RFX3: variants seen among roughly 807,000 people sequenced by gnomAD.
RFX3 encodes regulatory factor X3.
A neutral mutation model predicts 98.6 loss-of-function variants in RFX3; 14 were observed. The observed-to-expected ratio is 0.14, with a 90% CI of 0.09 to 0.22. The LOEUF is 0.22. Ranked by LOEUF, RFX3 falls within the 10% of genes least tolerant of loss-of-function variation. The pLI, the probability that RFX3 is intolerant of heterozygous loss-of-function variation, is 1.00. For synonymous variants in RFX3, 383 were observed against 328.4 expected (o/e 1.17, Z -1.80); for missense variants, 639 against 926.9 (o/e 0.69, Z 4.03).
At chr9:3,252,939 C>G (rs1295828545) in intron 14 of RFX3, among the ~76,000 whole-genome samples, 1 of 152,190 alleles carries the variant, frequency 6.6e-6, no homozygotes, top group Non-Finnish European at 1.5e-5. Flanking sequence ...TTTATTCTCT[C>G]TGTGTCAGGC....
intron 1 of RFX3, among the ~76,000 whole-genome samples, chr9:3,494,582 T>C (rs1850973708): frequency 6.6e-6 from 1 of 152,180 alleles, no homozygotes. Context: ...ATCATAGTTG[T>C]ATCTATCTAT....
At chr9:3,390,639 G>A (rs1205624625) in intron 2 of RFX3, among the ~76,000 whole-genome samples, 9 of 152,138 alleles carry the variant, frequency 5.9e-5, no homozygotes, top group Admixed American at 5.9e-4. Context: ...GGTCTTTTCT[G>A]TGCTGGTCTC....
chr9:3,303,278 T>G (rs755479349), intron 4 of RFX3, among the ~76,000 whole-genome samples: 3 of 151,902 alleles, frequency 2.0e-5, no homozygotes, highest in Admixed American at 6.6e-5. Context: ...ACTGTGAAAC[T>G]ATAAAGGACT....
intron 3 of RFX3, among the ~76,000 whole-genome samples, chr9:3,334,716 G>C (rs1038424717): frequency 6.6e-6 from 1 of 152,134 alleles, no homozygotes; most frequent in Non-Finnish European, 1.5e-5. Context: ...ATTATATTAA[G>C]GAATGAAGTG....
At chr9:3,362,161 C>G (rs1413106768) in intron 2 of RFX3, among the ~76,000 whole-genome samples, 1 of 152,100 alleles carries the variant, frequency 6.6e-6, no homozygotes, top group Non-Finnish European at 1.5e-5. Flanking sequence ...TGAGCAAGAG[C>G]CAGGAGATTC....
Position 3,229,039 on chromosome 9 carries a change from T to C in RFX3, c.1969-150A>G, listed in dbSNP as rs535792944. The C allele has an allele frequency of 4.0e-4, 233 of 581,556 alleles. 1 individual carries two copies. The Middle Eastern group carries it at 7.8e-3, about 19-fold the overall frequency. 36.0% of individuals were successfully genotyped at this position (581,556 alleles called of 1,614,324 possible). ...CTCTAATTACATGGATCACATAATT[T>C]TCCAATCAAACTTGTCAAATTTGAA... is the stretch of plus-strand genomic sequence containing the variant. On this transcript the variant is annotated intron_variant, in intron 15 of 16. Transcript: ENST00000617270.
At chr9:3,302,138 C>T (rs376387258) in intron 4 of RFX3, among the ~76,000 whole-genome samples, 6 of 151,748 alleles carry the variant, frequency 4.0e-5, no homozygotes, top group Admixed American at 6.6e-5. Context: ...CTCCATTAAT[C>T]CTGTATTAAA....
At chr9:3,384,406 T>C (rs1839495028) in intron 2 of RFX3, among the ~76,000 whole-genome samples, 2 of 152,212 alleles carry the variant, frequency 1.3e-5, no homozygotes, top group South Asian at 4.1e-4. Context: ...TGGCGTATAC[T>C]TCTCAAATAC....
chr9:3,523,371 A>C (rs1818912564), intron 1 of RFX3, among the ~76,000 whole-genome samples: 2 of 152,216 alleles, frequency 1.3e-5, no homozygotes, highest in Admixed American at 6.5e-5. Context: ...TTAATTTTTA[A>C]ATTTACCATT....
chr9:3,221,520 A>C lies in RFX3; in HGVS notation c.*3522T>G, dbSNP rs1231169285. The C allele has an allele frequency of 6.6e-6, 1 of 152,170 alleles. No homozygotes were observed. The highest frequency in any genetic ancestry group is 1.5e-5 in the Non-Finnish European group (1 of 68,006). The allele number at this position is 152,170 out of a possible 1,614,324, so 9.4% of individuals were successfully genotyped here. The stretch of plus-strand genomic sequence containing the variant: ...ACACCATCTAAAGAGAGGTGCATAA[A>C]CCGTGCTATACAGTACAAGAAAAAT... On this transcript the variant is annotated 3_prime_UTR_variant, in exon 17 of 17. Transcript: ENST00000617270.
intron 2 of RFX3, among the ~76,000 whole-genome samples, chr9:3,389,737 T>G (rs1840090674): frequency 6.6e-6 from 1 of 152,108 alleles, no homozygotes; most frequent in Non-Finnish European, 1.5e-5. Context: ...ATAAGGTATA[T>G]ATAAAAAAAC....
chr9:3,382,255 T>C (rs1164542314), intron 2 of RFX3, among the ~76,000 whole-genome samples: 1 of 152,166 alleles, frequency 6.6e-6, no homozygotes, highest in Admixed American at 6.6e-5. Context: ...TAAAATATAA[T>C]CTTTTAAAGC....
At chr9:3,360,104 C>G (rs1346674572) in intron 2 of RFX3, among the ~76,000 whole-genome samples, 1 of 152,046 alleles carries the variant, frequency 6.6e-6, no homozygotes, top group Admixed American at 6.6e-5. Flanking sequence ...TTTGTGAAGT[C>G]TTTAAACTGA....
chr9:3,353,175 C>A (rs530163149), intron 2 of RFX3, among the ~76,000 whole-genome samples: 95 of 132,978 alleles, frequency 7.1e-4, no homozygotes, highest in African/African-American at 2.7e-3. Flanking sequence ...GGAAGGGGAA[C>A]ATCACACTCT....
chr9:3,504,150 CATATTATATATTATAT>C (rs1180235722), intron 1 of RFX3, among the ~76,000 whole-genome samples: 6 of 99,744 alleles, frequency 6.0e-5, no homozygotes, highest in East Asian at 8.6e-4. Flanking sequence ...ATATATTATA[CATATTATATATTATAT>C]ATATTATATA....
chr9:3,310,408 T>G (rs998053912), intron 4 of RFX3, among the ~76,000 whole-genome samples: 1 of 152,220 alleles, frequency 6.6e-6, no homozygotes, highest in Middle Eastern at 3.2e-3. Context: ...ATTGTCTTTA[T>G]AGGTCAAGGC....
chr9:3,368,371 T>C (rs967907643), intron 2 of RFX3, among the ~76,000 whole-genome samples: 1 of 152,170 alleles, frequency 6.6e-6, no homozygotes, highest in Non-Finnish European at 1.5e-5. Flanking sequence ...CCTTTGGCAC[T>C]TGTATGACAT....
chr9:3,394,075 G>A (rs982609917), intron 2 of RFX3, among the ~76,000 whole-genome samples: 2 of 152,134 alleles, frequency 1.3e-5, no homozygotes, highest in African/African-American at 4.8e-5. Context: ...ACTATATATA[G>A]TTCAATCTAA....
In RFX3 at chr9:3,292,835, T is replaced by C. The variant is rs184208367; in HGVS notation, c.731+242A>G. On this transcript the variant is annotated intron_variant, in intron 6 of 16. Coordinates refer to ENST00000617270, the MANE Select transcript of RFX3 (RefSeq NM_001282116.2). Reference sequence around the variant, plus strand: ...GTTGGTCTGCTAATTTCTATGTAGTTTGAGAATCAGCTCTTCTCAAAGCTT... The same window carrying C: ...GTTGGTCTGCTAATTTCTATGTAGTCTGAGAATCAGCTCTTCTCAAAGCTT... Among the ~76,000 whole-genome samples the C allele has an allele frequency of 5.3e-5, 8 of 152,290 alleles. No homozygotes were observed. In the East Asian group the frequency reaches 7.7e-4, roughly 15 times the overall value.
Sources: gnomAD v4.1 joint callset for allele counts (sites outside exome capture counted in the v4.1 genomes callset) on GRCh38, gnomAD v4.1.1 for gene constraint, MANE v1.5 for transcripts, NCBI Gene and HGNC (gene_info 2026-07-23, HGNC 2026-07-21) for gene names.